Variants in MACIR observed in about 807,000 individuals in gnomAD.
MACIR encodes UNC119-binding protein C5orf30.
MACIR carries 4 observed loss-of-function variants against 14.3 expected under a neutral mutation model. The ratio of observed to expected loss-of-function variants is 0.28; its 90% CI spans 0.14 to 0.64. The LOEUF is 0.64. Ranked by LOEUF, MACIR falls within the 30% of genes least tolerant of loss-of-function variation. The pLI is 0.83. For synonymous variants in MACIR, 101 were observed against 102.4 expected (o/e 0.99, Z 0.08); for missense variants, 228 against 257.6 (o/e 0.89, Z 0.79).
rs1348463157 is a variant in MACIR, at chr5:103,261,677, TCTTTCTTTCTTTCTTTCTTTCTTTCTTC to T, written c.-114+2806_-114+2833del. Among the ~76,000 whole-genome samples, 230 of 127,720 alleles carry T rather than the reference TCTTTCTTTCTTTCTTTCTTTCTTTCTTC, an allele frequency of 1.8e-3. 8 individuals carry two copies. Among genetic ancestry groups the T allele is most frequent in the African/African-American group, 7.2e-3 (221 of 30,564 alleles). The allele number at this position is 127,720 out of a possible 152,430, so 83.8% of individuals were successfully genotyped here. On this transcript the variant is annotated intron_variant, in intron 1 of 2. Coordinates refer to ENST00000319933, the MANE Select transcript of MACIR (RefSeq NM_033211.4). ...TTCTTTCTTTCTTTCTTTCTTTCTTTCTTTCTTTCTTTCTTTCTTTCTTTCTTCCTTTCTTTCTTTCTTTCTTTCTTTT... is the reference window on the plus strand; with the variant it reads ...TTCTTTCTTTCTTTCTTTCTTTCTTTCTTTCTTTCTTTCTTTCTTTCTTTT...
rs1805311227 is a variant in MACIR, at chr5:103,276,010, G to A, written c.91G>A (p.Ala31Thr). 2 of 1,613,972 alleles carry A rather than the reference G, an allele frequency of 1.2e-6. No individual in the cohort carries two copies. The highest frequency in any genetic ancestry group is 1.3e-5 in the African/African-American group (1 of 74,900). ...GGCCAACTCCCCGGGAAAGGCGGAGGCAGAGAAGCCCCGCTGCTCCAGCAC... is the reference window on the plus strand; with the variant it reads ...GGCCAACTCCCCGGGAAAGGCGGAGACAGAGAAGCCCCGCTGCTCCAGCAC... ...AEANSPGKAE[A>T]EKPRCSSTPC... is the part of the protein sequence containing the mutation. The change falls in exon 3 of 3, where the codon GCA becomes ACA. Residue 31 changes from alanine to threonine, a missense_variant. By Grantham distance (58) the Ala-to-Thr change is moderately conservative. Coordinates refer to ENST00000319933, the MANE Select transcript of MACIR (RefSeq NM_033211.4).
At chr5:103,262,863 C>G (rs1554236417) in intron 1 of MACIR, among the ~76,000 whole-genome samples, 10 of 152,132 alleles carry the variant, frequency 6.6e-5, no homozygotes, top group Non-Finnish European at 1.5e-4. Context: ...CACATGGATT[C>G]CTTTTCCTCT....
At chr5:103,271,798 GCTT>G (rs1267806390) in intron 2 of MACIR, among the ~76,000 whole-genome samples, 1 of 151,958 alleles carries the variant, frequency 6.6e-6, no homozygotes, top group East Asian at 1.9e-4. Context: ...TTCTGTTTTA[GCTT>G]CTTCTCTCCA....
chr5:103,269,966 A>G (rs1805069393), intron 2 of MACIR, among the ~76,000 whole-genome samples: 1 of 152,176 alleles, frequency 6.6e-6, no homozygotes, highest in Admixed American at 6.5e-5. Flanking sequence ...AAGTGTTTTA[A>G]GTGAGAATAA....
intron 1 of MACIR, among the ~76,000 whole-genome samples, chr5:103,262,293 T>C (rs1804757003): frequency 2.5e-5 from 1 of 39,748 alleles, no homozygotes; most frequent in Non-Finnish European, 4.8e-5. Context: ...TCTAAGTGGG[T>C]ACACCCGAAG....
rs983955348 is a variant in MACIR at position 103,278,142 on chromosome 5, G to A, written c.*1602G>A. 4 of 166,918 alleles carry A rather than the reference G, an allele frequency of 2.4e-5. No individual in the cohort carries two copies. The highest frequency in any genetic ancestry group is 9.7e-5 in the African/African-American group (4 of 41,396). 10.3% of individuals were successfully genotyped at this position (166,918 alleles called of 1,614,324 possible). On this transcript the variant is annotated 3_prime_UTR_variant, in exon 3 of 3. Coordinates refer to ENST00000319933, the MANE Select transcript of MACIR (RefSeq NM_033211.4). ...TTTCTCGTTGGGCTGGAAATGTTTC[G>A]CTGTTGTATATTTTAAAGTAAATTG...
At chr5:103,261,705 C>CCTTTCTTT (rs149579800) in intron 1 of MACIR, among the ~76,000 whole-genome samples, 1 of 62,824 alleles carries the variant, frequency 1.6e-5, no homozygotes, top group East Asian at 4.7e-4. Context: ...TTTCTTTCTT[C>CCTTTCTTT]CTTTCTTTCT....
Position 103,275,971 on chromosome 5 carries a change from T to G in MACIR, c.52T>G (p.Phe18Val). The G allele has an allele frequency of 6.2e-7, 1 of 1,613,998 alleles. No homozygotes were observed. Residue 18 changes from phenylalanine (F) to valine (V), a missense_variant, in exon 3 of 3, where the codon TTC becomes GTC. Phe to Val is a conservative substitution (Grantham distance 50). Transcript: ENST00000319933. ...ESRSTLTTLP[F>V]PGAEANSPGK... The stretch of plus-strand genomic sequence containing the variant: ...TAGAAGTACCCTGACCACCTTGCCC[T>G]TCCCTGGGGCTGAGGCCAACTCCCC...
At chr5:103,271,996 T>A (rs1466862048) in intron 2 of MACIR, among the ~76,000 whole-genome samples, 3 of 152,166 alleles carry the variant, frequency 2.0e-5, no homozygotes, top group Non-Finnish European at 2.9e-5. Flanking sequence ...TCACAGGTTA[T>A]TCTTATTGAT....
intron 1 of MACIR, among the ~76,000 whole-genome samples, chr5:103,264,870 G>A (rs1804865186): frequency 6.6e-6 from 1 of 152,014 alleles, no homozygotes; most frequent in Admixed American, 6.6e-5. Context: ...CTTGCAGTTT[G>A]TCTTTTGTTT....
At chr5:103,268,047 A>C (rs1241528698) in intron 2 of MACIR, among the ~76,000 whole-genome samples, 1 of 152,160 alleles carries the variant, frequency 6.6e-6, no homozygotes, top group Non-Finnish European at 1.5e-5. Context: ...TATCCATTGT[A>C]GGGATGGACT....
chr5:103,258,571 G>A, upstream of MACIR: 1 of 152,444 alleles, frequency 6.6e-6, no homozygotes, highest in Non-Finnish European at 1.5e-5. Flanking sequence ...GCGCCTTTCT[G>A]CAGCCAGCCG....
intron 2 of MACIR, 135 bp from the exon 3 acceptor site, chr5:103,275,762 A>G: frequency 1.5e-6 from 1 of 683,726 alleles, no homozygotes; most frequent in Non-Finnish European, 2.5e-6. Flanking sequence ...TAGTAGACAT[A>G]GTTACATGTC....
At chr5:103,262,485 A>G (rs369890330) in intron 1 of MACIR, among the ~76,000 whole-genome samples, 57 of 152,308 alleles carry the variant, frequency 3.7e-4, no homozygotes, top group Non-Finnish European at 6.9e-4. Flanking sequence ...TTGACTATGA[A>G]TTGAGATATA....
Position 103,276,813 on chromosome 5 carries a change from G to C in MACIR, c.*273G>C, listed in dbSNP as rs965528103. The stretch of plus-strand genomic sequence containing the variant: ...TTTTTAGCTAGGAAAAAAAGGCTTT[G>C]GTACAGTAATTTCATCTTTATGATT... On this transcript the variant is annotated 3_prime_UTR_variant, in exon 3 of 3. Coordinates refer to ENST00000319933, the MANE Select transcript of MACIR (RefSeq NM_033211.4). 2 of 294,168 alleles carry C rather than the reference G, an allele frequency of 6.8e-6. No homozygotes were observed. Among genetic ancestry groups the C allele is most frequent in the Non-Finnish European group, 1.3e-5 (2 of 150,092 alleles). 18.2% of individuals were successfully genotyped at this position (294,168 alleles called of 1,614,324 possible). A position where few individuals can be genotyped will look rare whatever the true frequency, so the allele number is the denominator to read the frequency against.
intron 1 of MACIR, among the ~76,000 whole-genome samples, 158 bp from the exon 2 acceptor site, chr5:103,265,750 A>C (rs572413052): frequency 1.3e-5 from 2 of 152,186 alleles, no homozygotes; most frequent in South Asian, 4.1e-4. Flanking sequence ...AACAAACTCA[A>C]CATCAATTGA....
At chr5:103,261,689 T>TC (rs1554236296) in intron 1 of MACIR, among the ~76,000 whole-genome samples, 15 of 127,580 alleles carry the variant, frequency 1.2e-4, no homozygotes, top group East Asian at 8.8e-4. Flanking sequence ...TTTCTTTCTT[T>TC]CTTTCTTTCT....
In MACIR at chr5:103,270,824, G is replaced by A. The variant is rs138248850; in HGVS notation, c.-24+4827G>A. On this transcript the variant is annotated intron_variant, in intron 2 of 2. Coordinates refer to ENST00000319933, the MANE Select transcript of MACIR (RefSeq NM_033211.4). Reference sequence around the variant, plus strand: ...AGGAGCTGACTGTGGGCAATATCTGGATGTATCTTGGTGTTAAGTCACATT... The same window carrying A: ...AGGAGCTGACTGTGGGCAATATCTGAATGTATCTTGGTGTTAAGTCACATT... Among the ~76,000 whole-genome samples, 94 of 152,184 alleles carry A rather than the reference G, an allele frequency of 6.2e-4. 1 individual carries two copies. The highest frequency in any genetic ancestry group is 2.2e-3 in the African/African-American group (92 of 41,548).
chr5:103,270,585 C>G (rs1805090060), intron 2 of MACIR, among the ~76,000 whole-genome samples: 1 of 152,046 alleles, frequency 6.6e-6, no homozygotes, highest in African/African-American at 2.4e-5. Flanking sequence ...AAAACAATCA[C>G]TTGAGCAGGT....
Sources: allele counts gnomAD v4.1 joint callset (sites outside exome capture counted in the v4.1 genomes callset), GRCh38; gene constraint gnomAD v4.1.1; transcripts MANE v1.5; gene names NCBI Gene and HGNC (gene_info 2026-07-23, HGNC 2026-07-21).